TLN2: variants seen among roughly 807,000 people sequenced by gnomAD.
TLN2 encodes the protein talin-2.
Under a neutral mutation model 294.7 loss-of-function variants are expected in TLN2, and 118 were observed. The observed-to-expected ratio is 0.40, with a 90% CI of 0.34 to 0.47. TLN2 has a LOEUF of 0.47. Ranked by LOEUF, TLN2 falls within the 20% of genes least tolerant of loss-of-function variation. The pLI, the probability that TLN2 is intolerant of heterozygous loss-of-function variation, is 0.84. For synonymous variants in TLN2, 1,431 were observed against 1,304.5 expected (o/e 1.10, Z -2.09); for missense variants, 3,083 against 3,282.2 (o/e 0.94, Z 1.48).
intron 42 of TLN2, among the ~76,000 whole-genome samples, chr15:62,773,191 T>C (rs2063466164): frequency 6.8e-6 from 1 of 146,356 alleles, no homozygotes; most frequent in South Asian, 2.2e-4. Context: ...CCTCAAGCAG[T>C]CCTCCCCCTT....
intron 1 of TLN2, among the ~76,000 whole-genome samples, chr15:62,478,020 C>A (rs2037878171): frequency 6.6e-6 from 1 of 152,148 alleles, no homozygotes; most frequent in South Asian, 2.1e-4. Context: ...TAAATTGATT[C>A]TCGCCCTAAA....
At chr15:62,746,263 C>T (rs994864895) in intron 32 of TLN2, among the ~76,000 whole-genome samples, 1 of 152,140 alleles carries the variant, frequency 6.6e-6, no homozygotes, top group African/African-American at 2.4e-5. Context: ...CAGCCTATCT[C>T]AGAAGCGTGT....
intron 4 of TLN2, among the ~76,000 whole-genome samples, chr15:62,648,849 G>A (rs372573977): frequency 5.9e-4 from 89 of 151,868 alleles, no homozygotes; most frequent in Middle Eastern, 3.4e-3. Flanking sequence ...ACGCCTGGAC[G>A]ATTATTATTT....
intron 12 of TLN2, among the ~76,000 whole-genome samples, chr15:62,689,846 CTTTTTTTTTTTTTTTTTT>C (rs1158144919): frequency 2.6e-4 from 4 of 15,398 alleles, no homozygotes; most frequent in East Asian, 3.6e-3. Context: ...GTATGGGCTT[CTTTTTTTTTTTTTTTTTT>C]TTTTTTTTTT....
intron 1 of TLN2, among the ~76,000 whole-genome samples, chr15:62,480,998 A>G (rs1595900579): frequency 6.6e-6 from 1 of 152,202 alleles, no homozygotes; most frequent in East Asian, 1.9e-4. Flanking sequence ...GAAGAATTTT[A>G]CCTGCAGCCT....
chr15:62,774,611 G>A (rs764767815), intron 42 of TLN2, among the ~76,000 whole-genome samples: 15 of 152,180 alleles, frequency 9.9e-5, no homozygotes, highest in Non-Finnish European at 1.8e-4. Context: ...AGAGGTAGAC[G>A]TTGAGCTGAC....
chr15:62,596,126 G>A (rs965383231), intron 2 of TLN2, among the ~76,000 whole-genome samples: 3 of 151,934 alleles, frequency 2.0e-5, no homozygotes, highest in African/African-American at 4.8e-5. Flanking sequence ...TTAGCCGGGC[G>A]CAGTGGCAGG....
intron 9 of TLN2, among the ~76,000 whole-genome samples, chr15:62,663,005 A>C (rs1440384215): frequency 1.3e-5 from 2 of 151,826 alleles, no homozygotes; most frequent in Non-Finnish European, 2.9e-5. Flanking sequence ...TTGTATTTTT[A>C]GTAGGGACGA....
intron 35 of TLN2, among the ~76,000 whole-genome samples, 166 bp downstream of exon 35, chr15:62,752,593 AC>A (rs953837681): frequency 1.3e-5 from 2 of 152,190 alleles, no homozygotes; most frequent in African/African-American, 4.8e-5. Context: ...TGAGCCAGTT[AC>A]CCCCGAGGAG....
chr15:62,493,754 G>A (rs2140414253), intron 1 of TLN2, among the ~76,000 whole-genome samples: 1 of 152,078 alleles, frequency 6.6e-6, no homozygotes, highest in East Asian at 1.9e-4. Context: ...GGGACCACAG[G>A]CACACACCAC....
chr15:62,433,187 C>G (rs912656416), intron 1 of TLN2, among the ~76,000 whole-genome samples: 1 of 152,138 alleles, frequency 6.6e-6, no homozygotes, highest in Non-Finnish European at 1.5e-5. Flanking sequence ...TGACAGGGCT[C>G]CAGCCTGGGC....
At chr15:62,498,138 C>T (rs1254244247) in intron 1 of TLN2, among the ~76,000 whole-genome samples, 11 of 119,664 alleles carry the variant, frequency 9.2e-5, no homozygotes, top group East Asian at 7.0e-4. Flanking sequence ...TGGGTGACAG[C>T]GTGAGACCCT....
chr15:62,431,982 G>A (rs1308008894), intron 1 of TLN2, among the ~76,000 whole-genome samples: 2 of 152,126 alleles, frequency 1.3e-5, no homozygotes, highest in Non-Finnish European at 1.5e-5. Context: ...CTTCTGGAAC[G>A]CTCCTTGGAA....
chr15:62,684,302 C>T (rs868062404), intron 11 of TLN2, among the ~76,000 whole-genome samples: 1 of 152,188 alleles, frequency 6.6e-6, no homozygotes, highest in Non-Finnish European at 1.5e-5. Flanking sequence ...AGTCCCCTTC[C>T]TGGGTCCCAG....
chr15:62,537,718 G>A (rs1183522974), intron 1 of TLN2, among the ~76,000 whole-genome samples: 3 of 152,152 alleles, frequency 2.0e-5, no homozygotes, highest in African/African-American at 7.2e-5. Flanking sequence ...TTAAAGGATT[G>A]TTTGAAGAGT....
chr15:62,460,222 T>A (rs949470261), intron 1 of TLN2, among the ~76,000 whole-genome samples: 7 of 151,926 alleles, frequency 4.6e-5, no homozygotes, highest in Non-Finnish European at 7.4e-5. Context: ...GGGGTGCATT[T>A]GATGTGTTCA....
chr15:62,764,245 A>G (rs959453078), intron 40 of TLN2, among the ~76,000 whole-genome samples: 1 of 152,120 alleles, frequency 6.6e-6, no homozygotes, highest in African/African-American at 2.4e-5. Flanking sequence ...CAAAGTTTAA[A>G]ATGGAATTTT....
intron 19 of TLN2, among the ~76,000 whole-genome samples, chr15:62,706,656 A>C (rs1338729803): frequency 6.6e-6 from 1 of 152,228 alleles, no homozygotes; most frequent in African/African-American, 2.4e-5. Context: ...TTCAAGTTGC[A>C]GTGGGGCATG....
rs1172248783 is a variant in TLN2, at chr15:62,835,901, T to C, written c.7202T>C (p.Val2401Ala). 3 of 1,614,110 alleles carry C rather than the reference T, an allele frequency of 1.9e-6. No individual in the cohort carries two copies. The highest frequency in any genetic ancestry group is 2.5e-6 in the Non-Finnish European group (3 of 1,180,018). Residue 2401 changes from valine to alanine, a missense_variant, in exon 57 of 59, where the codon GTG (valine) becomes GCG (alanine). By Grantham distance (64) the Val-to-Ala change is moderately conservative (BLOSUM62 0). Transcript: ENST00000636159. ...GTTGACTGTCCCCAGGCCCGGATGG[T>C]GGCGGCTGCGACCAGCAGTCTCTGT... Reference protein sequence around the residue: ...SQGLISAARMVAAATSSLCEA... With the variant: ...SQGLISAARMAAAATSSLCEA...
Sources: allele counts gnomAD v4.1 joint callset (sites outside exome capture counted in the v4.1 genomes callset), GRCh38; gene constraint gnomAD v4.1.1; transcripts MANE v1.5; gene names NCBI Gene and HGNC (gene_info 2026-07-23, HGNC 2026-07-21).